Variants in PCDH7 observed in about 807,000 individuals in gnomAD.
PCDH7 encodes the protein protocadherin-7.
In PCDH7, 17 loss-of-function variants were observed where a neutral mutation model predicts 58.9. The observed-to-expected ratio is 0.29, with a 90% CI of 0.20 to 0.43. The LOEUF (loss-of-function observed/expected upper bound fraction) is 0.43, where lower values mean the gene tolerates loss of function less well. Ranked by LOEUF, PCDH7 falls within the 20% of genes least tolerant of loss-of-function variation. PCDH7 has a pLI of 1.00. For synonymous variants in PCDH7, 664 were observed against 616.4 expected (o/e 1.08, Z -1.14); for missense variants, 1,274 against 1,441.0 (o/e 0.88, Z 1.88).
intron 3 of PCDH7, among the ~76,000 whole-genome samples, chr4:31,027,447 G>A (rs895069318): frequency 3.3e-5 from 5 of 151,598 alleles, no homozygotes; most frequent in African/African-American, 1.2e-4. Flanking sequence ...TATTTGAGAC[G>A]GAGTCTAGCT....
In PCDH7 at chr4:30,723,541, A is replaced by G; in HGVS notation, c.2119A>G (p.Thr707Ala). The G allele has an allele frequency of 6.2e-7, 1 of 1,614,190 alleles. No homozygotes were observed. The highest frequency in any genetic ancestry group is 1.1e-5 in the South Asian group (1 of 91,080). The change falls in exon 1 of 2, where the codon ACA (threonine) becomes GCA (alanine). Residue 707 changes from threonine to alanine, a missense_variant. This residue lies in a region of PCDH7 where 731 missense variants were observed against 881.9 expected (regional missense o/e 0.83). Coordinates refer to ENST00000361762, the Ensembl canonical transcript of PCDH7. The surrounding 1 kb of genome is among the most constrained non-coding windows in gnomAD (Gnocchi z 4.6). ...GTCTTTTGACCGGGAACATCAGACC[A>G]CATACACTTTCAGAGTCAAGGCTGT...
At chr4:31,059,687 A>G (rs1298134805) in intron 3 of PCDH7, among the ~76,000 whole-genome samples, 1 of 151,884 alleles carries the variant, frequency 6.6e-6, no homozygotes, top group African/African-American at 2.4e-5. Context: ...AGTGAAGGAC[A>G]GTTGAGTCAG....
rs1713503746 is a variant in PCDH7, at chr4:30,721,410, G to A, written c.-13G>A. 2 of 1,481,138 alleles carry A rather than the reference G, an allele frequency of 1.4e-6. No individual in the cohort carries two copies. The highest frequency in any genetic ancestry group is 1.8e-6 in the Non-Finnish European group (2 of 1,117,952). 91.7% of individuals were successfully genotyped at this position (1,481,138 alleles called of 1,614,324 possible). ...GTGGTTAGAAGGAGCAGTAGCAGCA[G>A]CAGCAGGAGAAGATGCTGAGGATGC... is the stretch of plus-strand genomic sequence containing the variant. On this transcript the variant is annotated 5_prime_UTR_variant, in exon 1 of 2. Coordinates refer to ENST00000361762, the Ensembl canonical transcript of PCDH7. This position sits in a 1 kb window ranked among gnomAD's most constrained non-coding sequence, Gnocchi z 6.7.
At chr4:30,847,530 T>C (rs1395147217) in intron 1 of PCDH7, among the ~76,000 whole-genome samples, 1 of 152,166 alleles carries the variant, frequency 6.6e-6, no homozygotes, top group Non-Finnish European at 1.5e-5. Flanking sequence ...AAAGGCACAA[T>C]GCAATGTGAA....
At chr4:30,919,808 T>C (rs1203136085) in intron 1 of PCDH7, among the ~76,000 whole-genome samples, 1 of 152,188 alleles carries the variant, frequency 6.6e-6, no homozygotes, top group East Asian at 1.9e-4. Context: ...ACCTTGTTTT[T>C]TTAGAGGCCA....
At chr4:30,986,966 C>A (rs1275670939) in intron 3 of PCDH7, among the ~76,000 whole-genome samples, 2 of 149,010 alleles carry the variant, frequency 1.3e-5, no homozygotes, top group East Asian at 2.0e-4. Context: ...GACGACAGAG[C>A]GAGATTCCGT....
At chr4:30,809,104 T>C (rs768890003) in intron 1 of PCDH7, among the ~76,000 whole-genome samples, 62 of 152,332 alleles carry the variant, frequency 4.1e-4, no homozygotes, top group Non-Finnish European at 6.0e-4. Context: ...CTTTTCGCAT[T>C]CTCTATTAAG....
At chr4:31,062,891 T>C (rs2109240387) in intron 3 of PCDH7, among the ~76,000 whole-genome samples, 1 of 151,968 alleles carries the variant, frequency 6.6e-6, no homozygotes, top group South Asian at 2.1e-4. Flanking sequence ...TTGTTGCTGT[T>C]GCTGCTGTTT....
At chr4:30,947,704 A>G (rs1400868157) in intron 2 of PCDH7, among the ~76,000 whole-genome samples, 1 of 152,182 alleles carries the variant, frequency 6.6e-6, no homozygotes, top group Non-Finnish European at 1.5e-5. Flanking sequence ...TGTGTTGGGA[A>G]CATTCAGTGT....
At chr4:31,004,481 T>C (rs745636057) in intron 3 of PCDH7, among the ~76,000 whole-genome samples, 19 of 152,018 alleles carry the variant, frequency 1.2e-4, no homozygotes, top group Non-Finnish European at 2.6e-4. Flanking sequence ...AGGCCTAAGC[T>C]GGCAGATCAC....
At chr4:30,764,849 T>C (rs1471707369) in intron 1 of PCDH7, among the ~76,000 whole-genome samples, 1 of 151,800 alleles carries the variant, frequency 6.6e-6, no homozygotes, top group Non-Finnish European at 1.5e-5. Flanking sequence ...GCCTCCAGAG[T>C]AGCTTGGATT....
At chr4:31,096,707 A>G (rs941657749) in intron 3 of PCDH7, among the ~76,000 whole-genome samples, 2 of 152,134 alleles carry the variant, frequency 1.3e-5, no homozygotes, top group Non-Finnish European at 2.9e-5. Flanking sequence ...CCAAAATACA[A>G]CGTAACTGGG....
intron 1 of PCDH7, among the ~76,000 whole-genome samples, chr4:30,867,264 G>A (rs10010853): frequency 0.076 from 11,520 of 152,034 alleles, 640 homozygotes; most frequent in East Asian, 0.26. Flanking sequence ...TGTATGCTAA[G>A]GGAGAAAAAG....
intron 1 of PCDH7, among the ~76,000 whole-genome samples, chr4:30,844,115 A>G (rs1731596626): frequency 6.6e-6 from 1 of 152,068 alleles, no homozygotes; most frequent in Non-Finnish European, 1.5e-5. Context: ...GCTTATTCTG[A>G]GGTTATTGCT....
rs1475102629 is a variant in PCDH7 at position 31,074,605 on chromosome 4, A to C, written c.*8-67868A>C. Among the ~76,000 whole-genome samples, 9 of 150,250 alleles carry C rather than the reference A, an allele frequency of 6.0e-5. No homozygotes were observed. In the East Asian group the frequency reaches 1.8e-3, roughly 29 times the overall value. On this transcript the variant is annotated intron_variant, in intron 3 of 3. Coordinates refer to the PCDH7 transcript ENST00000509759. ...CCAGACCAACTTGGCTAACATGGTG[A>C]AACCCTGTCTCTACTAAAAATACAA...
chr4:30,822,333 A>G (rs1379843518), intron 1 of PCDH7, among the ~76,000 whole-genome samples: 2 of 152,176 alleles, frequency 1.3e-5, no homozygotes, highest in African/African-American at 2.4e-5. Context: ...ATTAGAGTGC[A>G]GGCCAGCGAC....
chr4:30,740,571 A>T (rs1716931728), intron 1 of PCDH7, among the ~76,000 whole-genome samples: 1 of 152,044 alleles, frequency 6.6e-6, no homozygotes, highest in Non-Finnish European at 1.5e-5. Context: ...TTGCCAATTG[A>T]TTCAGGATAG....
At chr4:30,762,588 A>C (rs1388284559) in intron 1 of PCDH7, among the ~76,000 whole-genome samples, 2 of 152,192 alleles carry the variant, frequency 1.3e-5, no homozygotes, top group Non-Finnish European at 2.9e-5. Flanking sequence ...TGAATATTTG[A>C]AGATCGATTG....
intron 3 of PCDH7, among the ~76,000 whole-genome samples, chr4:31,019,412 T>C (rs911727974): frequency 4.6e-5 from 7 of 152,048 alleles, no homozygotes; most frequent in Non-Finnish European, 1.0e-4. Context: ...CCTACAGAAA[T>C]AGGATTCCTG....
Sources: gnomAD v4.1 joint callset for allele counts (sites outside exome capture counted in the v4.1 genomes callset) on GRCh38, gnomAD v4.1.1 for gene constraint, gnomAD v4.1.1 regional missense constraint, Gnocchi (gnomAD v3.1) non-coding constraint, MANE v1.5 for transcripts, NCBI Gene and HGNC (gene_info 2026-07-23, HGNC 2026-07-21) for gene names.